Variants in ZFYVE28 observed in about 807,000 individuals in gnomAD.
ZFYVE28 encodes the protein zinc finger FYVE-type containing 28, also known as lateral signaling target protein 2 homolog.
A neutral mutation model predicts 82.1 loss-of-function variants in ZFYVE28; 40 were observed. The ratio of observed to expected loss-of-function variants is 0.49; its 90% CI spans 0.38 to 0.63. The LOEUF (loss-of-function observed/expected upper bound fraction) is 0.63, where lower values mean the gene tolerates loss of function less well. Ranked by LOEUF, ZFYVE28 falls within the 30% of genes least tolerant of loss-of-function variation. The probability of loss-of-function intolerance (pLI) is 0.00; values close to 1 mark genes in which losing one functional copy is unlikely to be tolerated. For synonymous variants in ZFYVE28, 612 were observed against 546.1 expected, an observed-to-expected ratio of 1.12 and a Z score of -1.68; for missense variants, 1,321 against 1,242.1, an observed-to-expected ratio of 1.06 and a Z score of -0.96.
At chr4:2,304,086 C>T (rs893604345) in intron 8 of ZFYVE28, among the ~76,000 whole-genome samples, 14 of 152,370 alleles carry the variant, frequency 9.2e-5, no homozygotes, top group Non-Finnish European at 1.6e-4. Flanking sequence ...TGGTGCATGA[C>T]GCCCCACAGG....
intron 1 of ZFYVE28, among the ~76,000 whole-genome samples, chr4:2,374,717 T>G (rs1727933626): frequency 6.6e-6 from 1 of 152,228 alleles, no homozygotes; most frequent in Admixed American, 6.5e-5. Context: ...CCCACATATC[T>G]ATGAAAGAAA....
At chr4:2,308,683 G>GAAAGAAAGAAAGGGAAAGAAAGA (rs1553830773) in intron 7 of ZFYVE28, among the ~76,000 whole-genome samples, 1 of 81,442 alleles carries the variant, frequency 1.2e-5, no homozygotes, top group Non-Finnish European at 2.5e-5. Flanking sequence ...GAAAGAGAAA[G>GAAAGAAAGAAAGGGAAAGAAAGA]AAAGAAAAGA....
intron 7 of ZFYVE28, among the ~76,000 whole-genome samples, chr4:2,315,458 G>C (rs1190067247): frequency 6.6e-6 from 1 of 151,854 alleles, no homozygotes; most frequent in East Asian, 1.9e-4. Flanking sequence ...ATTTTTAGTA[G>C]AGACGAGGTT....
At chr4:2,391,363 A>G (rs771711910) in intron 1 of ZFYVE28, among the ~76,000 whole-genome samples, 18 of 149,066 alleles carry the variant, frequency 1.2e-4, no homozygotes, top group South Asian at 4.2e-4. Context: ...TCCTGGGGCC[A>G]TTGTTCCCAT....
chr4:2,403,972 A>G (rs112346977), intron 1 of ZFYVE28, among the ~76,000 whole-genome samples: 1 of 4,022 alleles, frequency 2.5e-4, no homozygotes, highest in Non-Finnish European at 5.4e-4. Context: ...TCCATTTCGG[A>G]AAAAAAAAAA....
chr4:2,293,752 C>CCA (rs1714109903), intron 8 of ZFYVE28, among the ~76,000 whole-genome samples: 1 of 83,976 alleles, frequency 1.2e-5, no homozygotes, highest in Non-Finnish European at 2.1e-5. Flanking sequence ...GACTCCATCT[C>CCA]AAAAAAAAAA....
intron 7 of ZFYVE28, among the ~76,000 whole-genome samples, chr4:2,317,651 G>C (rs899625925): frequency 2.0e-5 from 3 of 149,324 alleles, no homozygotes; most frequent in Non-Finnish European, 4.5e-5. Context: ...TTTTTTTTTT[G>C]AGACAGAGTC....
intron 7 of ZFYVE28, among the ~76,000 whole-genome samples, chr4:2,313,359 C>A (rs866549105): frequency 1.3e-5 from 2 of 151,990 alleles, no homozygotes; most frequent in African/African-American, 4.8e-5. Context: ...CTCCTGGGCT[C>A]AAGCCATCCT....
At chr4:2,380,801 C>G (rs1014925185) in intron 1 of ZFYVE28, among the ~76,000 whole-genome samples, 1 of 152,194 alleles carries the variant, frequency 6.6e-6, no homozygotes, top group African/African-American at 2.4e-5. Flanking sequence ...GTAAGAAGTG[C>G]CTTTTGCCTC....
At chr4:2,401,609 G>A (rs946226366) in intron 1 of ZFYVE28, among the ~76,000 whole-genome samples, 1 of 152,156 alleles carries the variant, frequency 6.6e-6, no homozygotes, top group Admixed American at 6.5e-5. Flanking sequence ...CTACAGAGAG[G>A]TTTTTCAGAG....
chr4:2,383,935 G>T (rs1560316329), intron 1 of ZFYVE28, among the ~76,000 whole-genome samples: 1 of 152,140 alleles, frequency 6.6e-6, no homozygotes, highest in Non-Finnish European at 1.5e-5. Context: ...GTCACACAGG[G>T]TCATCACTCA....
chr4:2,305,774 T>TTG (rs1444819432), intron 7 of ZFYVE28, among the ~76,000 whole-genome samples: 8 of 152,270 alleles, frequency 5.3e-5, no homozygotes, highest in Non-Finnish European at 1.2e-4. Context: ...GTACAGTTTC[T>TTG]TTTTTAAAAC....
intron 1 of ZFYVE28, among the ~76,000 whole-genome samples, chr4:2,404,319 A>AAAAAG (rs1553866934): frequency 1.2e-5 from 1 of 85,986 alleles, no homozygotes; most frequent in Non-Finnish European, 2.6e-5. Context: ...CAAAAAAAAA[A>AAAAAG]AAAAAAAAAC....
At position 2,405,634 on chromosome 4, in the gene ZFYVE28, C is replaced by T. The variant is rs1030555846; in HGVS notation, c.39+12651G>A. Among the ~76,000 whole-genome samples the T allele has an allele frequency of 1.4e-3, 208 of 152,358 alleles. 2 individuals carry two copies. Among genetic ancestry groups the T allele is most frequent in the African/African-American group, 1.4e-3 (58 of 41,580 alleles). ...GGCCGGGGCACAGGAGAGTGGCCCC[C>T]GTGCCCATTGTCTCTGAGACCTCAC... On this transcript the variant is annotated intron_variant, in intron 1 of 12. Coordinates refer to ENST00000290974, the MANE Select transcript of ZFYVE28 (RefSeq NM_020972.3).
intron 8 of ZFYVE28, chr4:2,286,348 T>G (rs1712738139): frequency 6.6e-6 from 1 of 152,318 alleles, no homozygotes; most frequent in Non-Finnish European, 1.5e-5. Flanking sequence ...GGCCTGCCCT[T>G]TGCGGGGGTG....
rs1408352366 is a variant in ZFYVE28, at chr4:2,335,521, C to A, written c.701+184G>T. ...ACCAGCAAGGTGAACAGGGGGCACTCAGGACACGTGGTCCCCTGGTCTGCT... is the reference window on the plus strand; with the variant it reads ...ACCAGCAAGGTGAACAGGGGGCACTAAGGACACGTGGTCCCCTGGTCTGCT... On this transcript the variant is annotated intron_variant, in intron 6 of 12. Coordinates refer to ENST00000290974, the MANE Select transcript of ZFYVE28 (RefSeq NM_020972.3). The surrounding 1 kb of genome is among the most constrained non-coding windows in gnomAD (Gnocchi z 5.8). Among the ~76,000 whole-genome samples, 1 of 152,176 alleles carries A rather than the reference C, an allele frequency of 6.6e-6. No individual in the cohort carries two copies. Among genetic ancestry groups the A allele is most frequent in the Admixed American group, 6.5e-5 (1 of 15,288 alleles).
intron 1 of ZFYVE28, among the ~76,000 whole-genome samples, chr4:2,378,602 C>T (rs1340472819): frequency 1.3e-5 from 2 of 152,146 alleles, no homozygotes; most frequent in African/African-American, 4.8e-5. Context: ...GATGCTTTTT[C>T]CTTCTTTCTT....
chr4:2,398,532 T>C (rs1198474878), intron 1 of ZFYVE28, among the ~76,000 whole-genome samples: 1 of 151,964 alleles, frequency 6.6e-6, no homozygotes, highest in Non-Finnish European at 1.5e-5. Context: ...TGCAGGAAGC[T>C]CTTGAGAAGG....
At position 2,320,381 on chromosome 4, in the gene ZFYVE28, G is replaced by A. The variant is rs142651361; in HGVS notation, c.702-110C>T. 1.2e-3 allele frequency: 1,064 copies of A among 860,250 alleles called. 7 individuals are homozygous for A. The African/African-American group carries it at 0.015, about 12-fold the overall frequency. The allele number at this position is 860,250 out of a possible 1,614,324, so 53.3% of individuals were successfully genotyped here. On this transcript the variant is annotated intron_variant, in intron 6 of 12. Coordinates refer to ENST00000290974, the MANE Select transcript of ZFYVE28 (RefSeq NM_020972.3). The surrounding 1 kb of genome is among the most constrained non-coding windows in gnomAD (Gnocchi z 5.1). ...ACCACGCCCGCTGGGACTCTGCAGC[G>A]CCACTGTCCCAGCACGGCCGCCGCC...
Sources: allele counts gnomAD v4.1 joint callset (sites outside exome capture counted in the v4.1 genomes callset), GRCh38; gene constraint gnomAD v4.1.1; non-coding constraint Gnocchi (gnomAD v3.1); transcripts MANE v1.5; gene names NCBI Gene and HGNC (gene_info 2026-07-23, HGNC 2026-07-21).